PRMT8: variants seen among roughly 807,000 people sequenced by gnomAD.
PRMT8 encodes protein arginine N-methyltransferase 8.
In PRMT8, 7 loss-of-function variants were observed where a neutral mutation model predicts 47.1. That is an observed-to-expected ratio of 0.15 (90% CI 0.08 to 0.28). The LOEUF (loss-of-function observed/expected upper bound fraction) is 0.28. Ranked by LOEUF, PRMT8 falls within the 10% of genes least tolerant of loss-of-function variation. PRMT8 has a pLI of 1.00. For synonymous variants in PRMT8, 188 were observed against 186.5 expected, an observed-to-expected ratio of 1.01 and a Z score of -0.07; for missense variants, 237 against 505.4, an observed-to-expected ratio of 0.47 and a Z score of 5.09.
At chr12:3,488,427 C>CT (rs1055359003), upstream of PRMT8, among the ~76,000 whole-genome samples, 1 of 152,122 alleles carries the variant, frequency 6.6e-6, no homozygotes, top group African/African-American at 2.4e-5. Flanking sequence ...CTGGTAGGGT[C>CT]TATTGTTTCA....
Position 3,588,593 on chromosome 12 carries a change from C to T in PRMT8, c.980-3638C>T, listed in dbSNP as rs140504959. On this transcript the variant is annotated intron_variant, in intron 8 of 9. Coordinates refer to ENST00000382622, the MANE Select transcript of PRMT8 (RefSeq NM_019854.5). ...GTGGTGTTCATCCCGTTTGCTGTTC[C>T]CCAATTCTACAGCCATACCCGGCCT... 5.3e-3 allele frequency among the ~76,000 whole-genome samples: 805 copies of T among 152,278 alleles called. 3 individuals carry two copies. The highest frequency in any genetic ancestry group is 0.018 in the African/African-American group (742 of 41,552).
At chr12:3,540,550 C>T (rs776431751) in intron 1 of PRMT8, 56 bp from the exon 2 acceptor site, 5 of 1,223,840 alleles carry the variant, frequency 4.1e-6, no homozygotes, top group Middle Eastern at 2.4e-4. Context: ...CGCAAGCCTC[C>T]GAGGGCGGGA....
intron 1 of PRMT8, among the ~76,000 whole-genome samples, chr12:3,425,423 A>G (rs939668792): frequency 1.3e-5 from 2 of 152,254 alleles, no homozygotes; most frequent in African/African-American, 4.8e-5. Flanking sequence ...CCAGGGCCCC[A>G]CAGTCTGGAT....
At chr12:3,565,655 G>A (rs942882505) in intron 4 of PRMT8, among the ~76,000 whole-genome samples, 1 of 152,102 alleles carries the variant, frequency 6.6e-6, no homozygotes, top group African/African-American at 2.4e-5. Context: ...TTGCTATTCT[G>A]TGACCCCCTA....
intron 4 of PRMT8, among the ~76,000 whole-genome samples, chr12:3,556,045 A>G (rs1241830275): frequency 6.6e-6 from 1 of 152,046 alleles, no homozygotes; most frequent in Non-Finnish European, 1.5e-5. Context: ...CTGGAGGTGA[A>G]GTACTCATGG....
intron 1 of PRMT8, among the ~76,000 whole-genome samples, chr12:3,406,557 T>C (rs976105245): frequency 3.3e-5 from 5 of 152,192 alleles, no homozygotes; most frequent in Non-Finnish European, 5.9e-5. Flanking sequence ...ATCATCTCTC[T>C]CAAGTTCAAA....
chr12:3,437,622 C>CCA (rs1369691506), intron 1 of PRMT8, among the ~76,000 whole-genome samples: 1 of 142,820 alleles, frequency 7.0e-6, no homozygotes, highest in Non-Finnish European at 1.5e-5. Context: ...TGCATTCAGG[C>CCA]TATATATATA....
chr12:3,429,015 ACTCT>A (rs1009495948), intron 1 of PRMT8, among the ~76,000 whole-genome samples: 3 of 115,048 alleles, frequency 2.6e-5, no homozygotes, highest in Non-Finnish European at 3.8e-5. Context: ...TCTCTCTCTG[ACTCT>A]CTCTCTCTCT....
At chr12:3,390,132 A>G (rs1864179878) in intron 1 of PRMT8, among the ~76,000 whole-genome samples, 1 of 152,262 alleles carries the variant, frequency 6.6e-6, no homozygotes, top group African/African-American at 2.4e-5. Flanking sequence ...GCCCTAGGGC[A>G]CTAATTGCAG....
chr12:3,418,299 A>G (rs1321138618), intron 1 of PRMT8, among the ~76,000 whole-genome samples: 1 of 152,178 alleles, frequency 6.6e-6, no homozygotes, highest in African/African-American at 2.4e-5. Context: ...GCTTATTCTA[A>G]GTCCCGTGTT....
chr12:3,444,582 G>A (rs1185297009), intron 1 of PRMT8, among the ~76,000 whole-genome samples: 1 of 152,254 alleles, frequency 6.6e-6, no homozygotes, highest in Non-Finnish European at 1.5e-5. Context: ...TGGTTAGAGG[G>A]GAAATTTAGA....
intron 1 of PRMT8, among the ~76,000 whole-genome samples, chr12:3,457,179 C>T (rs1288610214): frequency 3.9e-5 from 6 of 152,230 alleles, no homozygotes; most frequent in African/African-American, 1.4e-4. Flanking sequence ...GGCTTGGTGT[C>T]CCTGAGCACT....
In PRMT8 at chr12:3,576,841, CT is replaced by C; in HGVS notation, c.713-29del. On this transcript the variant is annotated intron_variant, in intron 6 of 9. Transcript: ENST00000382622. The surrounding 1 kb of genome is among the most constrained non-coding windows in gnomAD (Gnocchi z 4.0). ...GGGTGAGCTTCTGGGGGTCCTGCGCCTGCCTTCACGTCTTGCTCTGCTCCCA... is the reference window on the plus strand; with the variant it reads ...GGGTGAGCTTCTGGGGGTCCTGCGCCGCCTTCACGTCTTGCTCTGCTCCCA... 1 of 1,590,418 alleles carries C rather than the reference CT, an allele frequency of 6.3e-7. No individual in the cohort carries two copies.
chr12:3,478,980 A>G (rs1865246082), intron 1 of PRMT8, among the ~76,000 whole-genome samples: 1 of 152,188 alleles, frequency 6.6e-6, no homozygotes, highest in African/African-American at 2.4e-5. Flanking sequence ...GCACCTGGGT[A>G]AGCTTCCTGG....
rs913761809 is a variant in PRMT8, at chr12:3,492,825, G to A, written c.75+1125G>A. On this transcript the variant is annotated intron_variant, in intron 1 of 9. Transcript: ENST00000382622. The surrounding 1 kb of genome is among the most constrained non-coding windows in gnomAD (Gnocchi z 7.5). The stretch of plus-strand genomic sequence containing the variant: ...CAGTGGCAGGAAAAAGACACAGAGA[G>A]CAAACTCCCAGGCTCTATTAATAGC... Among the ~76,000 whole-genome samples, 1 of 152,068 alleles carries A rather than the reference G, an allele frequency of 6.6e-6. No homozygotes were observed. The highest frequency in any genetic ancestry group is 6.6e-5 in the Admixed American group (1 of 15,260).
At chr12:3,406,387 C>T (rs1342144731) in intron 1 of PRMT8, among the ~76,000 whole-genome samples, 1 of 152,206 alleles carries the variant, frequency 6.6e-6, no homozygotes, top group African/African-American at 2.4e-5. Context: ...TTTGGCTCCT[C>T]GTTACTTATG....
In PRMT8 at chr12:3,568,739, T is replaced by C; in HGVS notation, c.515T>C (p.Val172Ala). Reference sequence around the variant, plus strand: ...ATATTTAAGGGTAAAGTGGAAGAGGTGGAGCTGCCTGTGGAGAAGGTGGAC... The same window carrying C: ...ATATTTAAGGGTAAAGTGGAAGAGGCGGAGCTGCCTGTGGAGAAGGTGGAC... Reference protein sequence around the residue: ...ITIFKGKVEEVELPVEKVDII... With the variant: ...ITIFKGKVEEAELPVEKVDII... Residue 172 changes from valine to alanine, a missense_variant, in exon 5 of 10, where the codon GTG becomes GCG. Coordinates refer to ENST00000382622, the MANE Select transcript of PRMT8 (RefSeq NM_019854.5). The C allele has an allele frequency of 6.2e-7, 1 of 1,613,990 alleles. No individual in the cohort carries two copies. Among genetic ancestry groups the C allele is most frequent in the Non-Finnish European group, 8.5e-7 (1 of 1,179,988 alleles).
chr12:3,592,789 G>T (rs1281905114), intron 9 of PRMT8, among the ~76,000 whole-genome samples: 1 of 152,218 alleles, frequency 6.6e-6, no homozygotes, highest in Non-Finnish European at 1.5e-5. Flanking sequence ...AAAAACGTCT[G>T]CAGAGTGCTC....
intron 1 of PRMT8, among the ~76,000 whole-genome samples, chr12:3,540,162 A>G (rs1231962589): frequency 6.6e-6 from 1 of 152,160 alleles, no homozygotes; most frequent in East Asian, 1.9e-4. Context: ...AGAAGTTCAT[A>G]AGTTTGCCCA....
Sources: allele counts gnomAD v4.1 joint callset (sites outside exome capture counted in the v4.1 genomes callset), GRCh38; gene constraint gnomAD v4.1.1; non-coding constraint Gnocchi (gnomAD v3.1); transcripts MANE v1.5; gene names NCBI Gene and HGNC (gene_info 2026-07-23, HGNC 2026-07-21).